Variants in TMED10 observed in about 807,000 individuals in gnomAD.
TMED10 encodes transmembrane emp24 domain-containing protein 10.
A neutral mutation model predicts 23.1 loss-of-function variants in TMED10; 7 were observed. The ratio of observed to expected loss-of-function variants is 0.30; its 90% CI spans 0.17 to 0.57. The LOEUF is 0.57. Ranked by LOEUF, TMED10 falls within the 20% of genes least tolerant of loss-of-function variation. The pLI is 0.91. For synonymous variants in TMED10, 113 were observed against 106.9 expected (o/e 1.06, Z -0.35); for missense variants, 162 against 274.8 (o/e 0.59, Z 2.90).
At chr14:75,163,258 C>T (rs796910507) in intron 1 of TMED10, among the ~76,000 whole-genome samples, 217 of 151,296 alleles carry the variant, frequency 1.4e-3, no homozygotes, top group African/African-American at 5.1e-3. Flanking sequence ...AACACACAAA[C>T]AAAAAACTCA....
At chr14:75,172,887 G>A (rs959728057) in intron 1 of TMED10, among the ~76,000 whole-genome samples, 2 of 151,998 alleles carry the variant, frequency 1.3e-5, no homozygotes, top group African/African-American at 4.8e-5. Context: ...TGAATTGGCT[G>A]GTGAAATTTT....
At chr14:75,154,401 C>CAAAAAAAAAAA (rs1166201835) in intron 1 of TMED10, among the ~76,000 whole-genome samples, 240 of 15,248 alleles carry the variant, frequency 0.016, 107 homozygotes, top group East Asian at 0.043. Context: ...GACTCTGTCT[C>CAAAAAAAAAAA]AAAAAAAAAA....
At chr14:75,141,719 G>C (rs892081132) in intron 3 of TMED10, among the ~76,000 whole-genome samples, 6 of 152,162 alleles carry the variant, frequency 3.9e-5, no homozygotes, top group African/African-American at 1.4e-4. Flanking sequence ...AAGAAAACCA[G>C]ATGAGTATAC....
chr14:75,147,761 A>C, intron 2 of TMED10, 24 bp from the exon 3 acceptor site: 4 of 1,613,466 alleles, frequency 2.5e-6, no homozygotes, highest in Non-Finnish European at 3.4e-6. Context: ...CAAAGGAATC[A>C]TTGTGTGAAA....
chr14:75,151,899 T>C (rs1209891895), intron 2 of TMED10, 133 bp downstream of exon 2: 1 of 771,624 alleles, frequency 1.3e-6, no homozygotes, highest in African/African-American at 1.8e-5. Context: ...CTCCAAAGAC[T>C]ACAAGGTAAC....
chr14:75,167,224 G>A (rs951235165), intron 1 of TMED10, among the ~76,000 whole-genome samples: 5 of 152,138 alleles, frequency 3.3e-5, no homozygotes, highest in African/African-American at 1.2e-4. Flanking sequence ...ACAGGCGTGA[G>A]CCACCACGCC....
At chr14:75,147,081 G>A (rs951449856) in intron 3 of TMED10, among the ~76,000 whole-genome samples, 2 of 151,842 alleles carry the variant, frequency 1.3e-5, no homozygotes, top group African/African-American at 4.8e-5. Context: ...CACAGTTCAA[G>A]AGAACTAATG....
chr14:75,149,716 G>A (rs1319275935), intron 2 of TMED10, among the ~76,000 whole-genome samples: 1 of 152,192 alleles, frequency 6.6e-6, no homozygotes. Flanking sequence ...ACACCTAAAG[G>A]CAGGACTTAG....
Position 75,133,804 on chromosome 14 carries a change from A to ATAC in TMED10, c.*1078_*1080dup, listed in dbSNP as rs1895715507. On this transcript the variant is annotated 3_prime_UTR_variant, in exon 5 of 5. Transcript: ENST00000303575. ...AACTGTGGTACATCCATACCATGGA[A>ATAC]TACTACTCAGCAATCAAAAGGAACT... 3.7e-6 allele frequency: 1 copy of ATAC among 273,784 alleles called. No homozygotes were observed. Among genetic ancestry groups the ATAC allele is most frequent in the Non-Finnish European group, 6.9e-6 (1 of 143,958 alleles). The allele number at this position is 273,784 out of a possible 1,614,324, so 17.0% of individuals were successfully genotyped here.
chr14:75,176,226 C>T, intron 1 of TMED10, 129 bp downstream of exon 1: 9 of 1,178,672 alleles, frequency 7.6e-6, no homozygotes, highest in East Asian at 2.5e-5. Context: ...CTCCACCGCA[C>T]GTCCTTTGCG....
Position 75,135,016 on chromosome 14 carries a change from AAC to A in TMED10, c.539-12_539-11del. ...CGAGTGTTTGTTGACTCTAAAAAAA[AAC>A]AAAAGCATTGTAAACATAATGAAGT... On this transcript the variant is annotated splice_polypyrimidine_tract_variant and intron_variant, in intron 4 of 4. Transcript: ENST00000303575. 6.2e-7 allele frequency: 1 copy of A among 1,613,880 alleles called. No individual in the cohort carries two copies. Among genetic ancestry groups the A allele is most frequent in the Non-Finnish European group, 8.5e-7 (1 of 1,179,870 alleles).
intron 1 of TMED10, among the ~76,000 whole-genome samples, chr14:75,162,865 C>T (rs539363626): frequency 6.6e-6 from 1 of 152,122 alleles, no homozygotes; most frequent in Non-Finnish European, 1.5e-5. Flanking sequence ...CATAACCTCA[C>T]CTTATCATGA....
chr14:75,149,414 C>G (rs892944384), intron 2 of TMED10, among the ~76,000 whole-genome samples: 1 of 152,154 alleles, frequency 6.6e-6, no homozygotes, highest in African/African-American at 2.4e-5. Context: ...AGATGTGGCC[C>G]CTTGATCTTG....
intron 1 of TMED10, among the ~76,000 whole-genome samples, chr14:75,172,490 A>G (rs1427451106): frequency 6.6e-6 from 1 of 151,936 alleles, no homozygotes; most frequent in Non-Finnish European, 1.5e-5. Flanking sequence ...TTAAATTTTT[A>G]GTAGAGACGG....
chr14:75,136,755 G>A (rs997998116), intron 3 of TMED10: 11 of 152,094 alleles, frequency 7.2e-5, no homozygotes, highest in Non-Finnish European at 1.6e-4. Context: ...AATTTTTTAT[G>A]TATTTTTTTC....
intron 1 of TMED10, among the ~76,000 whole-genome samples, chr14:75,167,002 C>T (rs534766614): frequency 2.1e-5 from 3 of 142,900 alleles, no homozygotes; most frequent in East Asian, 2.0e-4. Context: ...AGTGCAGTGG[C>T]GTGATCTCGG....
intron 2 of TMED10, 131 bp from the exon 3 acceptor site, chr14:75,147,868 C>G (rs573303493): frequency 4.6e-5 from 38 of 820,748 alleles, no homozygotes; most frequent in Non-Finnish European, 7.0e-5. Flanking sequence ...AACTCCTCCC[C>G]CTGCTCAGTT....
intron 1 of TMED10, among the ~76,000 whole-genome samples, chr14:75,172,286 G>T (rs910292581): frequency 1.3e-5 from 2 of 151,956 alleles, no homozygotes; most frequent in African/African-American, 4.8e-5. Flanking sequence ...ATACTATATG[G>T]ACTGGGTATC....
At chr14:75,165,584 C>T (rs1024941086) in intron 1 of TMED10, among the ~76,000 whole-genome samples, 4 of 152,130 alleles carry the variant, frequency 2.6e-5, no homozygotes, top group Non-Finnish European at 4.4e-5. Context: ...TAAACTCTGA[C>T]GGCTTAGGTG....
Sources: gnomAD v4.1 joint callset for allele counts (sites outside exome capture counted in the v4.1 genomes callset) on GRCh38, gnomAD v4.1.1 for gene constraint, MANE v1.5 for transcripts, NCBI Gene and HGNC (gene_info 2026-07-23, HGNC 2026-07-21) for gene names.